Variants in PRR16 observed in about 807,000 individuals in gnomAD.
The protein encoded by PRR16 is proline rich 16.
Under a neutral mutation model 18.2 loss-of-function variants are expected in PRR16, and 6 were observed. That is an observed-to-expected ratio of 0.33 (90% CI 0.18 to 0.65). PRR16 has a LOEUF of 0.65. Among genes scored for constraint, PRR16 ranks in the 30% least tolerant of loss-of-function variants. PRR16 has a pLI of 0.74. For missense variants in PRR16, 412 were observed against 376.6 expected (o/e 1.09, Z -0.78); for synonymous variants, 151 against 147.8 (o/e 1.02, Z -0.16).
the PRR16 span, among the ~76,000 whole-genome samples, chr5:120,733,006 T>C: frequency 1.3e-5 from 2 of 152,184 alleles, no homozygotes; most frequent in Non-Finnish European, 2.9e-5. Flanking sequence ...TGTTGGAACC[T>C]GACAAAATGG....
At chr5:120,764,310 A>AGAT in the PRR16 span, among the ~76,000 whole-genome samples, 11 of 152,198 alleles carry the variant, frequency 7.2e-5, no homozygotes, top group African/African-American at 2.4e-4. Context: ...GCATGTATTG[A>AGAT]GATTATCATA....
chr5:120,491,135 G>C (rs1469363190), intron 1 of PRR16, among the ~76,000 whole-genome samples: 1 of 152,256 alleles, frequency 6.6e-6, no homozygotes, highest in East Asian at 1.9e-4. Context: ...TCCGTTCTCA[G>C]ATCTCCAGCT....
chr5:120,698,328 A>T, the PRR16 span, among the ~76,000 whole-genome samples: 1 of 152,090 alleles, frequency 6.6e-6, no homozygotes, highest in Admixed American at 6.5e-5. Context: ...TAAATGGAAT[A>T]AGAGAAGAAA....
intron 1 of PRR16, among the ~76,000 whole-genome samples, chr5:120,608,375 T>C (rs111539892): frequency 2.0e-5 from 3 of 152,186 alleles, no homozygotes; most frequent in African/African-American, 7.2e-5. Flanking sequence ...TCTTCCTATG[T>C]AGGAATGTTG....
At chr5:120,754,544 TATATATA>T in the PRR16 span, among the ~76,000 whole-genome samples, 3 of 89,058 alleles carry the variant, frequency 3.4e-5, no homozygotes, top group East Asian at 1.1e-3. Flanking sequence ...TATATGTAAT[TATATATA>T]ATATATATTA....
chr5:120,548,255 C>G (rs138009175), intron 1 of PRR16, among the ~76,000 whole-genome samples: 2 of 152,084 alleles, frequency 1.3e-5, no homozygotes, highest in Non-Finnish European at 2.9e-5. Flanking sequence ...TCTTGATACT[C>G]AGCAATGCTT....
chr5:120,476,220 G>C (rs532693734), intron 1 of PRR16, among the ~76,000 whole-genome samples: 1 of 152,208 alleles, frequency 6.6e-6, no homozygotes, highest in Admixed American at 6.5e-5. Flanking sequence ...TACTTAAAAT[G>C]TCAAATGATC....
chr5:120,607,883 C>A (rs1380534374), intron 1 of PRR16, among the ~76,000 whole-genome samples: 1 of 151,748 alleles, frequency 6.6e-6, no homozygotes. Flanking sequence ...TTTTTTTAAT[C>A]TCCCCTTGTA....
At chr5:120,506,541 A>G (rs1157264649) in intron 1 of PRR16, among the ~76,000 whole-genome samples, 1 of 152,072 alleles carries the variant, frequency 6.6e-6, no homozygotes, top group Admixed American at 6.6e-5. Flanking sequence ...ATATAACAAG[A>G]AGTTCTGGGT....
At chr5:120,518,000 A>G (rs1051680162) in intron 1 of PRR16, among the ~76,000 whole-genome samples, 5 of 152,196 alleles carry the variant, frequency 3.3e-5, no homozygotes, top group Admixed American at 2.6e-4. Flanking sequence ...TTGTGTCACT[A>G]TAATGATGGA....
chr5:120,791,450 TGTATCA>T, the PRR16 span, among the ~76,000 whole-genome samples: 5 of 152,026 alleles, frequency 3.3e-5, no homozygotes, highest in Admixed American at 3.3e-4. Flanking sequence ...GCTCAGGTAT[TGTATCA>T]GTAAGGATTT....
At chr5:120,492,985 C>T (rs1241306136) in intron 1 of PRR16, among the ~76,000 whole-genome samples, 1 of 152,204 alleles carries the variant, frequency 6.6e-6, no homozygotes, top group African/African-American at 2.4e-5. Flanking sequence ...TTTGGTTCCA[C>T]ATCCTCGGAA....
the PRR16 span, among the ~76,000 whole-genome samples, chr5:120,699,439 G>A: frequency 6.6e-6 from 1 of 152,178 alleles, no homozygotes. Context: ...ATGGGGGTCA[G>A]GTGTGGTATC....
At chr5:120,709,461 A>T in the PRR16 span, among the ~76,000 whole-genome samples, 2 of 152,150 alleles carry the variant, frequency 1.3e-5, no homozygotes, top group Non-Finnish European at 2.9e-5. Context: ...GATGCTCATC[A>T]TCTCAAATAT....
chr5:120,597,131 T>C (rs961755692), intron 1 of PRR16, among the ~76,000 whole-genome samples: 1 of 151,708 alleles, frequency 6.6e-6, no homozygotes, highest in Non-Finnish European at 1.5e-5. Context: ...TAAGTTATAT[T>C]TTTACTGGAT....
chr5:120,758,566 G>A, the PRR16 span, among the ~76,000 whole-genome samples: 102 of 152,214 alleles, frequency 6.7e-4, no homozygotes, highest in African/African-American at 2.3e-3. Flanking sequence ...ACTGGATTAT[G>A]GAGGAAGTTT....
intron 1 of PRR16, chr5:120,481,413 G>A: frequency 3.8e-6 from 1 of 264,352 alleles, no homozygotes; most frequent in South Asian, 3.2e-5. Flanking sequence ...TTACAGGCGT[G>A]AGCCACCACG....
At chr5:120,505,973 C>T (rs1750633229) in intron 1 of PRR16, among the ~76,000 whole-genome samples, 1 of 144,508 alleles carries the variant, frequency 6.9e-6, no homozygotes, top group Non-Finnish European at 1.5e-5. Context: ...TATATATACA[C>T]ATTTTTTCTA....
the PRR16 span, among the ~76,000 whole-genome samples, chr5:120,751,026 A>T: frequency 6.6e-6 from 1 of 152,148 alleles, no homozygotes; most frequent in Non-Finnish European, 1.5e-5. Context: ...TATATGAAGG[A>T]GATCATGTGA....
Sources: gnomAD v4.1 joint callset for allele counts (sites outside exome capture counted in the v4.1 genomes callset) on GRCh38, gnomAD v4.1.1 for gene constraint, MANE v1.5 for transcripts, NCBI Gene and HGNC (gene_info 2026-07-23, HGNC 2026-07-21) for gene names.